The following NOS3 variants were observed in gnomAD, a reference collection of about 807,000 sequenced individuals.
NOS3 encodes the protein NOS type III.
In NOS3, 98 loss-of-function variants were observed where a neutral mutation model predicts 144.9. The ratio of observed to expected loss-of-function variants is 0.68; its 90% CI spans 0.57 to 0.80. NOS3 has a LOEUF of 0.80. Ranked by LOEUF, NOS3 falls within the 30% of genes least tolerant of loss-of-function variation. The pLI is 0.00. For missense variants in NOS3, 1,465 were observed against 1,656.4 expected, an observed-to-expected ratio of 0.88 and a Z score of 2.01; for synonymous variants, 714 against 702.4, an observed-to-expected ratio of 1.02 and a Z score of -0.26.
Position 150,995,369 on chromosome 7 carries a change from T to C in NOS3, c.270+55T>C, listed in dbSNP as rs559273152. 9.3e-6 allele frequency: 11 copies of C among 1,187,516 alleles called. No individual in the cohort carries two copies. The African/African-American group carries it at 1.7e-4, about 18-fold the overall frequency. The allele number at this position is 1,187,516 out of a possible 1,614,324, so 73.6% of individuals were successfully genotyped here. ...CTCCAGGGAAAGGGTGGGTAAGGCC[T>C]GGCCTCAGATGGGGCCGGAGAGGGA... is the stretch of plus-strand genomic sequence containing the variant. On this transcript the variant is annotated intron_variant, in intron 3 of 26. Transcript: ENST00000297494.
intron 3 of NOS3, 28 bp from the exon 4 acceptor site, chr7:150,996,376 T>A: frequency 2.4e-6 from 3 of 1,228,170 alleles, no homozygotes; most frequent in Non-Finnish European, 3.1e-6. Context: ...CCCTGGCCTG[T>A]CCTGACCTTT....
In NOS3 at chr7:150,993,031, C is replaced by T. The variant is rs982737598; in HGVS notation, c.-51-722C>T. Among the ~76,000 whole-genome samples, 1 of 152,174 alleles carries T rather than the reference C, an allele frequency of 6.6e-6. No homozygotes were observed. The highest frequency in any genetic ancestry group is 1.9e-4 in the East Asian group (1 of 5,182). The stretch of plus-strand genomic sequence containing the variant: ...CAGCCCTAGTCTCTCTGCTGACCTG[C>T]GGCCCCGGGAAGCGTGCGTCACTGA... On this transcript the variant is annotated intron_variant, in intron 1 of 26. Transcript: ENST00000297494. This position sits in a 1 kb window ranked among gnomAD's most constrained non-coding sequence, Gnocchi z 4.0.
Position 150,993,726 on chromosome 7 carries a change from C to T in NOS3, c.-51-27C>T. 3 of 1,463,990 alleles carry T rather than the reference C, an allele frequency of 2.0e-6. No individual in the cohort carries two copies. The highest frequency in any genetic ancestry group is 2.8e-6 in the Non-Finnish European group (3 of 1,088,178). 90.7% of individuals were successfully genotyped at this position (1,463,990 alleles called of 1,614,324 possible). On this transcript the variant is annotated intron_variant, in intron 1 of 26. Transcript: ENST00000297494. The surrounding 1 kb of genome is among the most constrained non-coding windows in gnomAD (Gnocchi z 4.0). ...GGAGAGCCCCCTCCCACTGCCCCCT[C>T]CTCTCGGTCCCCTCCCTCTTCCTAA... is the stretch of plus-strand genomic sequence containing the variant.
In NOS3 at chr7:150,999,080, C is replaced by T. The variant is rs1340235010; in HGVS notation, c.951C>T (p.His317=). 4 of 1,612,646 alleles carry T rather than the reference C, an allele frequency of 2.5e-6. No homozygotes were observed. Among genetic ancestry groups the T allele is most frequent in the East Asian group, 4.5e-5 (2 of 44,880 alleles). ...PELVLEVPLE[H]PTLEWFAALG... ...TGGTCCTTGAGGTGCCCCTGGAGCA[C>T]CCCACGTGAGCACCAAAGGGATTGA... Residue 317 remains histidine, a synonymous_variant, in exon 8 of 27, where the codon CAC becomes CAT. Transcript: ENST00000297494.
intron 24 of NOS3, 190 bp downstream of exon 24, chr7:151,012,662 TG>T (rs1795331593): frequency 3.4e-6 from 2 of 594,520 alleles, no homozygotes; most frequent in Non-Finnish European, 2.9e-6. Flanking sequence ...TCTGGCTTCC[TG>T]GTGCCTGGTA....
Position 151,010,659 on chromosome 7 carries a change from G to A in NOS3, c.2748G>A (p.Glu916=), listed in dbSNP as rs1300303162. ...FRCPTLLEVL[E]QFPSVALPAP... is the part of the protein sequence containing the mutation. Reference sequence around the variant, plus strand: ...GCCCCACGCTGCTGGAGGTGCTGGAGCAGTTCCCGTCGGTGGCGCTGCCTG... The same window carrying A: ...GCCCCACGCTGCTGGAGGTGCTGGAACAGTTCCCGTCGGTGGCGCTGCCTG... Residue 916 remains glutamate (E), a synonymous_variant, in exon 22 of 27, where the codon GAG becomes GAA. Coordinates refer to ENST00000297494, the MANE Select transcript of NOS3 (RefSeq NM_000603.5). The A allele has an allele frequency of 6.2e-7, 1 of 1,607,852 alleles. No homozygotes were observed. The highest frequency in any genetic ancestry group is 8.5e-7 in the Non-Finnish European group (1 of 1,177,578).
chr7:151,006,784 C>G, intron 15 of NOS3, 105 bp from the exon 16 acceptor site: 1 of 941,286 alleles, frequency 1.1e-6, no homozygotes, highest in South Asian at 1.4e-5. Context: ...AGGGCCTTTC[C>G]TGTCCCAGAG....
chr7:151,002,112 G>C lies in NOS3; in HGVS notation c.1648-88G>C. ...GTGTTCAGAGATCAAGTTGGGGCCTGAATCTTGCACTGCCAGGGAGGCCAG... is the reference window on the plus strand; with the variant it reads ...GTGTTCAGAGATCAAGTTGGGGCCTCAATCTTGCACTGCCAGGGAGGCCAG... On this transcript the variant is annotated intron_variant, in intron 13 of 26. Coordinates refer to ENST00000297494, the MANE Select transcript of NOS3 (RefSeq NM_000603.5). This position sits in a 1 kb window ranked among gnomAD's most constrained non-coding sequence, Gnocchi z 4.1. 7.1e-7 allele frequency: 1 copy of C among 1,410,068 alleles called. No individual in the cohort carries two copies. Among genetic ancestry groups the C allele is most frequent in the Non-Finnish European group, 9.8e-7 (1 of 1,018,886 alleles). The allele number at this position is 1,410,068 out of a possible 1,614,324, so 87.3% of individuals were successfully genotyped here.
intron 9 of NOS3, 92 bp downstream of exon 9, chr7:150,999,456 A>G: frequency 7.3e-7 from 1 of 1,374,668 alleles, no homozygotes; most frequent in South Asian, 1.4e-5. Flanking sequence ...AGCCACGGGG[A>G]CAATCAGAGC....
At position 151,013,368 on chromosome 7, in the gene NOS3, G is replaced by A. The variant is rs1307560810; in HGVS notation, c.3244G>A (p.Asp1082Asn). Residue 1082 changes from aspartate (D) to asparagine (N), a missense_variant, in exon 25 of 27, where the codon GAC becomes AAC. Around this residue, in one of 5 missense-constraint regions of NOS3, gnomAD observed 228 missense variants for 227.7 expected, o/e 1.00. Transcript: ENST00000297494. ...CCTCACCGCCTTCTCCCGGGAACCT[G>A]ACAACCCCAAGGTGTGAGACCCTGA... ...RVLTAFSREP[D>N]NPKTYVQDIL... is the part of the protein sequence containing the mutation. 6.2e-7 allele frequency: 1 copy of A among 1,613,192 alleles called. No individual in the cohort carries two copies. The highest frequency in any genetic ancestry group is 8.5e-7 in the Non-Finnish European group (1 of 1,179,702).
Position 151,006,873 on chromosome 7 carries a change from T to C in NOS3, c.1821-16T>C. ...CAGGGCCCTGTGACAACCTTGTCTT[T>C]GTCCTCTCTTGCCAGGAGTTATAAG... On this transcript the variant is annotated splice_polypyrimidine_tract_variant and intron_variant, in intron 15 of 26. Coordinates refer to ENST00000297494, the MANE Select transcript of NOS3 (RefSeq NM_000603.5). 6.2e-7 allele frequency: 1 copy of C among 1,600,288 alleles called. No individual in the cohort carries two copies. Among genetic ancestry groups the C allele is most frequent in the Non-Finnish European group, 8.6e-7 (1 of 1,167,988 alleles).
At position 151,010,974 on chromosome 7, in the gene NOS3, G is replaced by A; in HGVS notation, c.2972G>A (p.Cys991Tyr). 6.2e-7 allele frequency: 1 copy of A among 1,613,148 alleles called. No individual in the cohort carries two copies. The highest frequency in any genetic ancestry group is 8.5e-7 in the Non-Finnish European group (1 of 1,179,390). Reference protein sequence around the residue: ...SQLKPGDPVPCFIRGAPSFRL... With the variant: ...SQLKPGDPVPYFIRGAPSFRL... ...CTCAAGCCCGGAGACCCTGTGCCCTGCTTCATCCGGGGGTAAGTGAGATGG... is the reference window on the plus strand; with the variant it reads ...CTCAAGCCCGGAGACCCTGTGCCCTACTTCATCCGGGGGTAAGTGAGATGG... Residue 991 changes from cysteine (C) to tyrosine (Y), a missense_variant, in exon 23 of 27, where the codon TGC (cysteine) becomes TAC (tyrosine). This residue lies in a region of NOS3 where 106 missense variants were observed against 167.7 expected (regional missense o/e 0.63). Transcript: ENST00000297494.
Position 151,013,339 on chromosome 7 carries a change from G to T in NOS3, c.3215G>T (p.Arg1072Leu). The T allele has an allele frequency of 1.2e-6, 2 of 1,613,868 alleles. No homozygotes were observed. Among genetic ancestry groups the T allele is most frequent in the Non-Finnish European group, 1.7e-6 (2 of 1,179,942 alleles). ...GCCCAGCAGCGCGGGGTGTTTGGCCGAGTCCTCACCGCCTTCTCCCGGGAA... is the reference window on the plus strand; with the variant it reads ...GCCCAGCAGCGCGGGGTGTTTGGCCTAGTCCTCACCGCCTTCTCCCGGGAA... ...QNAQQRGVFG[R>L]VLTAFSREPD... Residue 1072 changes from arginine to leucine, a missense_variant, in exon 25 of 27, where the codon CGA (arginine) becomes CTA (leucine). Transcript: ENST00000297494.
rs192330881 is a variant in NOS3, at chr7:151,000,723, C to T, written c.1233+124C>T. ...GGATTTGGACAGGCAGAAGAAGTTC[C>T]GTAGTCCCAGTGCCATGGCGCACAC... On this transcript the variant is annotated intron_variant, in intron 10 of 26. Coordinates refer to ENST00000297494, the MANE Select transcript of NOS3 (RefSeq NM_000603.5). 1.6e-4 allele frequency: 111 copies of T among 679,104 alleles called. 2 individuals are homozygous for T. Among genetic ancestry groups the T allele is most frequent in the South Asian group, 1.2e-3 (68 of 58,736 alleles). The allele number at this position is 679,104 out of a possible 1,614,324, so 42.1% of individuals were successfully genotyped here.
intron 23 of NOS3, 126 bp downstream of exon 23, chr7:151,011,112 G>C (rs1015284004): frequency 7.4e-6 from 5 of 674,226 alleles, no homozygotes; most frequent in East Asian, 2.7e-5. Flanking sequence ...CAAGGGTGTG[G>C]TGTCATTAGG....
At chr7:150,995,177 A>T in intron 2 of NOS3, 26 bp from the exon 3 acceptor site, 1 of 1,354,064 alleles carries the variant, frequency 7.4e-7, no homozygotes, top group Non-Finnish European at 1.1e-6. Context: ...ACCCTTCCTG[A>T]TGACCCTATC....
In NOS3 at chr7:151,009,523, T is replaced by C. The variant is rs1795260782; in HGVS notation, c.2450T>C (p.Val817Ala). The change falls in exon 20 of 27, where the codon GTG becomes GCG. Residue 817 changes from valine (V) to alanine (A), a missense_variant. Val to Ala is a moderately conservative substitution (Grantham distance 64). Coordinates refer to ENST00000297494, the MANE Select transcript of NOS3 (RefSeq NM_000603.5). ...CTTGTGGAGGCGCTGCTGAGCCGCG[T>C]GGAGGACCCGCCGGCGCCCACTGAG... ...PGLVEALLSR[V>A]EDPPAPTEPV... 10 of 1,546,062 alleles carry C rather than the reference T, an allele frequency of 6.5e-6. No individual in the cohort carries two copies. In the Middle Eastern group the frequency reaches 5.5e-4, roughly 85 times the overall value.
At chr7:151,000,695 G>C in intron 10 of NOS3, 96 bp downstream of exon 10, 1 of 793,690 alleles carries the variant, frequency 1.3e-6, no homozygotes, top group Non-Finnish European at 2.1e-6. Context: ...AGAAACTAGG[G>C]CAGGATTTGG....
chr7:150,993,694 C>T lies in NOS3; in HGVS notation c.-51-59C>T. On this transcript the variant is annotated intron_variant, in intron 1 of 26. Transcript: ENST00000297494. The surrounding 1 kb of genome is among the most constrained non-coding windows in gnomAD (Gnocchi z 4.0). ...TATGGGATAGGGGCGGGGCGAGGGC[C>T]AGCACTGGAGAGCCCCCTCCCACTG... is the stretch of plus-strand genomic sequence containing the variant. 8.9e-7 allele frequency: 1 copy of T among 1,128,132 alleles called. No individual in the cohort carries two copies. The highest frequency in any genetic ancestry group is 2.3e-4 in the Middle Eastern group (1 of 4,338). The allele number at this position is 1,128,132 out of a possible 1,614,324, so 69.9% of individuals were successfully genotyped here.
Sources: allele counts gnomAD v4.1 joint callset (sites outside exome capture counted in the v4.1 genomes callset), GRCh38; gene constraint gnomAD v4.1.1; regional missense constraint gnomAD v4.1.1; non-coding constraint Gnocchi (gnomAD v3.1); transcripts MANE v1.5; gene names NCBI Gene and HGNC (gene_info 2026-07-23, HGNC 2026-07-21).